The following OS9 variants were observed in gnomAD, a reference collection of about 807,000 sequenced individuals.
OS9 encodes the protein OS9 endoplasmic reticulum lectin, also known as protein OS-9.
Under a neutral mutation model 84.7 loss-of-function variants are expected in OS9, and 58 were observed. The observed-to-expected ratio is 0.68, with a 90% confidence interval of 0.55 to 0.85. OS9 has a LOEUF of 0.85. OS9 is among the 40% of genes least tolerant of loss of function. The pLI, the probability that OS9 is intolerant of heterozygous loss-of-function variation, is 0.00. For missense variants in OS9, 760 were observed against 850.9 expected, an observed-to-expected ratio of 0.89 and a Z score of 1.33; for synonymous variants, 278 against 320.8, an observed-to-expected ratio of 0.87 and a Z score of 1.43.
chr12:57,718,540 G>A, intron 11 of OS9, 119 bp downstream of exon 11: 1 of 1,055,114 alleles, frequency 9.5e-7, no homozygotes, highest in Non-Finnish European at 1.4e-6. Flanking sequence ...GCACTTGGAA[G>A]TGGTAGCTGT....
At chr12:57,700,020 G>A (rs368630734) in intron 5 of OS9, among the ~76,000 whole-genome samples, 41 of 152,204 alleles carry the variant, frequency 2.7e-4, no homozygotes, top group East Asian at 2.1e-3. Context: ...GCTTGAACCC[G>A]GGAGGCGGAG....
chr12:57,695,213 A>G, intron 2 of OS9: 1 of 463,606 alleles, frequency 2.2e-6, no homozygotes, highest in Non-Finnish European at 3.9e-6. Flanking sequence ...CCTACTTGCT[A>G]AAGTCACCCC....
chr12:57,715,058 TATA>T (rs1954443832), intron 5 of OS9, among the ~76,000 whole-genome samples: 2 of 152,088 alleles, frequency 1.3e-5, no homozygotes, highest in African/African-American at 4.8e-5. Flanking sequence ...TATACAAATA[TATA>T]TACACTTTAA....
At chr12:57,716,357 C>T (rs1954495552) in intron 7 of OS9, 55 bp from the exon 8 acceptor site, 1 of 1,432,414 alleles carries the variant, frequency 7.0e-7, no homozygotes, top group South Asian at 1.2e-5. Context: ...CTATTTGCTC[C>T]CTTCTGTCTC....
intron 12 of OS9, chr12:57,719,663 G>T (rs541886676): frequency 5.0e-6 from 1 of 198,510 alleles, no homozygotes; most frequent in Non-Finnish European, 1.0e-5. Context: ...TCCTATGGGT[G>T]TGGACATCAG....
chr12:57,720,073 T>G (rs779227521), intron 12 of OS9, 26 bp from the exon 13 acceptor site: 2 of 1,609,662 alleles, frequency 1.2e-6, no homozygotes, highest in Non-Finnish European at 1.7e-6. Context: ...CTGCTTTGTG[T>G]TTCCCTGTGT....
At chr12:57,696,415 G>T (rs1479593744) in intron 5 of OS9, 42 bp downstream of exon 5, 20 of 899,058 alleles carry the variant, frequency 2.2e-5, no homozygotes, top group Non-Finnish European at 3.1e-5. Context: ...CACAGGGACA[G>T]TTCAGATTCT....
intron 2 of OS9, chr12:57,695,267 T>C: frequency 2.5e-6 from 1 of 396,628 alleles, no homozygotes. Flanking sequence ...ATTTTCATCG[T>C]AGCACTTTTC....
intron 5 of OS9, among the ~76,000 whole-genome samples, chr12:57,711,498 C>T (rs1171053858): frequency 6.6e-6 from 1 of 151,930 alleles, no homozygotes; most frequent in Non-Finnish European, 1.5e-5. Context: ...AGGTGTGCGC[C>T]ACCACACCCA....
intron 5 of OS9, 187 bp from the exon 6 acceptor site, chr12:57,715,573 A>C: frequency 2.0e-6 from 1 of 500,682 alleles, no homozygotes; most frequent in Non-Finnish European, 3.5e-6. Context: ...TGAGGCACGA[A>C]GTTGAGAAAC....
rs1954472079 is a variant in OS9, at chr12:57,715,878, T to G, written c.698T>G (p.Leu233Arg). The change falls in exon 6 of 15, where the codon CTC becomes CGC. Residue 233 changes from leucine (L) to arginine (R), a missense_variant. Leu to Arg is a moderately radical substitution (Grantham distance 102). Coordinates refer to ENST00000315970, the MANE Select transcript of OS9 (RefSeq NM_006812.4). ...RTPRLCPHPL[L>R]RPPPSAAPQA... ...CCTCGGCTCTGCCCCCACCCTCTCC[T>G]CCGGCCCCCACCCAGTGCTGCACCG... The G allele has an allele frequency of 1.2e-6, 2 of 1,611,642 alleles. No individual in the cohort carries two copies. The highest frequency in any genetic ancestry group is 1.7e-6 in the Non-Finnish European group (2 of 1,178,130).
Position 57,721,425 on chromosome 12 carries a change from GC to G in OS9, c.*518del, listed in dbSNP as rs1268479658. On this transcript the variant is annotated 3_prime_UTR_variant, in exon 15 of 15. Transcript: ENST00000315970. ...ACAATTTGTGCTTCTGAGTTGAGGA[GC>G]CTTCACCTCTGTTGCTGAGGAAATG... 3 of 157,086 alleles carry G rather than the reference GC, an allele frequency of 1.9e-5. No individual in the cohort carries two copies. The highest frequency in any genetic ancestry group is 4.2e-5 in the Non-Finnish European group (3 of 70,770). The allele number at this position is 157,086 out of a possible 1,614,324, so 9.7% of individuals were successfully genotyped here. A position where few individuals can be genotyped will look rare whatever the true frequency, so the allele number is the denominator to read the frequency against.
Position 57,721,112 on chromosome 12 carries a change from G to A in OS9, c.*203G>A, listed in dbSNP as rs1954668214. ...TGGCAGCCACCTTGAGACCTCACCG[G>A]GCCTGTGATATTTGCTCTCCTGAAC... On this transcript the variant is annotated 3_prime_UTR_variant, in exon 15 of 15. Transcript: ENST00000315970. The A allele has an allele frequency of 3.6e-6, 2 of 560,076 alleles. No homozygotes were observed. Among genetic ancestry groups the A allele is most frequent in the Non-Finnish European group, 6.4e-6 (2 of 312,686 alleles). 34.7% of individuals were successfully genotyped at this position (560,076 alleles called of 1,614,324 possible). A position where few individuals can be genotyped will look rare whatever the true frequency, so the allele number is the denominator to read the frequency against.
chr12:57,715,383 T>C (rs1484463864), intron 5 of OS9, among the ~76,000 whole-genome samples: 1 of 151,924 alleles, frequency 6.6e-6, no homozygotes, highest in Admixed American at 6.6e-5. Flanking sequence ...ATAATAATAA[T>C]AATACATATA....
chr12:57,694,474 A>G (rs2140282165), intron 1 of OS9, 151 bp downstream of exon 1: 2 of 856,786 alleles, frequency 2.3e-6, no homozygotes, highest in East Asian at 5.3e-5. Context: ...GGGGTCGCAG[A>G]CTGAGACCAA....
intron 5 of OS9, among the ~76,000 whole-genome samples, chr12:57,710,853 C>A (rs11172306): frequency 0.6 from 90,874 of 151,402 alleles, 27,840 homozygotes; most frequent in Middle Eastern, 0.7. Flanking sequence ...CAGCTTGGCC[C>A]ATATGGTGAA....
chr12:57,708,090 T>A (rs182757321), intron 5 of OS9, among the ~76,000 whole-genome samples: 63 of 152,186 alleles, frequency 4.1e-4, no homozygotes, highest in Admixed American at 3.2e-3. Context: ...AGACATCATC[T>A]CAAATTTTTT....
Position 57,694,826 on chromosome 12 carries a change from T to C in OS9, c.239T>C (p.Ile80Thr), listed in dbSNP as rs1953777417. The change falls in exon 2 of 15, where the codon ATT (isoleucine) becomes ACT (threonine). Residue 80 changes from isoleucine (I) to threonine (T), a missense_variant. Physicochemically the swap from Ile to Thr is moderately conservative, Grantham distance 89 (BLOSUM62 -1). Coordinates refer to ENST00000315970, the MANE Select transcript of OS9 (RefSeq NM_006812.4). ...GAGTGTCGCCTGCCAGCTGGAGCTATTCACTTCCAGCGTGAAAGGGAGGAG... is the reference window on the plus strand; with the variant it reads ...GAGTGTCGCCTGCCAGCTGGAGCTACTCACTTCCAGCGTGAAAGGGAGGAG... Reference protein sequence around the residue: ...RYECRLPAGAIHFQREREEET... With the variant: ...RYECRLPAGATHFQREREEET... The C allele has an allele frequency of 3.7e-6, 6 of 1,613,820 alleles. No homozygotes were observed. Among genetic ancestry groups the C allele is most frequent in the South Asian group, 1.1e-5 (1 of 91,084 alleles).
rs1449192796 is a variant in OS9, at chr12:57,720,220, G to T, written c.1722G>T (p.Gly574=). 6.2e-6 allele frequency: 10 copies of T among 1,614,092 alleles called. No homozygotes were observed. The highest frequency in any genetic ancestry group is 8.5e-6 in the Non-Finnish European group (10 of 1,180,050). The stretch of plus-strand genomic sequence containing the variant: ...ACCCACAGCTGAAACAAATCGAGGG[G>T]CTGGTGAAGGAGCTGCTGGAGAGGG... ...RENPQLKQIE[G]LVKELLEREG... Residue 574 remains glycine, a synonymous_variant, in exon 13 of 15, where the codon GGG becomes GGT. Transcript: ENST00000315970.
Sources: allele counts gnomAD v4.1 joint callset (sites outside exome capture counted in the v4.1 genomes callset), GRCh38; gene constraint gnomAD v4.1.1; transcripts MANE v1.5; gene names NCBI Gene and HGNC (gene_info 2026-07-23, HGNC 2026-07-21).